The following SLC4A4 variants were observed in gnomAD, a reference collection of about 807,000 sequenced individuals.
SLC4A4 encodes electrogenic sodium bicarbonate cotransporter 1.
In SLC4A4, 27 loss-of-function variants were observed where a neutral mutation model predicts 111.5. That is an observed-to-expected ratio of 0.24 (90% CI 0.18 to 0.33). SLC4A4 has a LOEUF of 0.33. Ranked by LOEUF, SLC4A4 falls within the 10% of genes least tolerant of loss-of-function variation. SLC4A4 has a pLI of 1.00. For synonymous variants in SLC4A4, 443 were observed against 463.4 expected (o/e 0.96, Z 0.57); for missense variants, 909 against 1,315.5 (o/e 0.69, Z 4.78).
chr4:71,310,959 G>A (rs1053802762), intron 3 of SLC4A4, among the ~76,000 whole-genome samples: 6 of 152,214 alleles, frequency 3.9e-5, no homozygotes, highest in East Asian at 1.9e-4. Context: ...ACACACATAC[G>A]CTCAAAATAA....
chr4:71,444,921 G>A (rs144083461), intron 8 of SLC4A4, among the ~76,000 whole-genome samples: 65 of 152,274 alleles, frequency 4.3e-4, no homozygotes, highest in African/African-American at 1.5e-3. Context: ...CAGATTTACT[G>A]AATTATTCCT....
intron 1 of SLC4A4, among the ~76,000 whole-genome samples, chr4:71,190,038 T>C (rs1046229608): frequency 6.6e-6 from 1 of 152,194 alleles, no homozygotes; most frequent in African/African-American, 2.4e-5. Flanking sequence ...CTGTGACTTA[T>C]GAAATTTATG....
At chr4:71,498,787 C>A (rs865861545) in intron 16 of SLC4A4, among the ~76,000 whole-genome samples, 60 of 152,224 alleles carry the variant, frequency 3.9e-4, no homozygotes, top group African/African-American at 1.1e-3. Context: ...GCTGGTGATC[C>A]ACAGGCAGAA....
chr4:71,172,010 A>G (rs540627897), intron 2 of SLC4A4, among the ~76,000 whole-genome samples: 1 of 152,258 alleles, frequency 6.6e-6, no homozygotes, highest in South Asian at 2.1e-4. Flanking sequence ...CCTTATTAGA[A>G]TTTATTTTAA....
chr4:71,114,248 AAAAC>A (rs772876532), intron 2 of SLC4A4, among the ~76,000 whole-genome samples: 2 of 152,188 alleles, frequency 1.3e-5, no homozygotes, highest in South Asian at 2.1e-4. Flanking sequence ...TCGCTCTCAA[AAAAC>A]AAACAAACAA....
At chr4:71,413,942 A>T (rs1721616114) in intron 7 of SLC4A4, among the ~76,000 whole-genome samples, 1 of 152,154 alleles carries the variant, frequency 6.6e-6, no homozygotes, top group South Asian at 2.1e-4. Flanking sequence ...TGAGCCACAA[A>T]AATCTTTCAA....
intron 1 of SLC4A4, among the ~76,000 whole-genome samples, chr4:71,086,045 G>A (rs914052828): frequency 6.6e-6 from 1 of 151,952 alleles, no homozygotes; most frequent in African/African-American, 2.4e-5. Flanking sequence ...AGCATAGAAT[G>A]TTCTTCCATT....
chr4:71,245,395 C>CTG (rs1167780986), intron 2 of SLC4A4, among the ~76,000 whole-genome samples: 1 of 152,050 alleles, frequency 6.6e-6, no homozygotes, highest in African/African-American at 2.4e-5. Flanking sequence ...AGTGTGGGGG[C>CTG]TGTTGCCAAG....
At chr4:71,494,072 AATGATCAGCTCTTTCCTG>A (rs912935008) in intron 15 of SLC4A4, among the ~76,000 whole-genome samples, 1 of 151,952 alleles carries the variant, frequency 6.6e-6, no homozygotes, top group African/African-American at 2.4e-5. Context: ...TTACAACTGC[AATGATCAGCTCTTTCCTG>A]ATGACTCCTA....
chr4:71,567,053 T>C lies in SLC4A4; in HGVS notation c.*6T>C. 1.2e-6 allele frequency: 2 copies of C among 1,610,100 alleles called. No individual in the cohort carries two copies. Among genetic ancestry groups the C allele is most frequent in the Non-Finnish European group, 1.7e-6 (2 of 1,177,516 alleles). ...AACGCCACACATCATGCTGATAAAA[T>C]TCCTTTCCTTCAGTCACTCGGTATG... On this transcript the variant is annotated 3_prime_UTR_variant, in exon 25 of 26. Coordinates refer to ENST00000264485, the MANE Select transcript of SLC4A4 (RefSeq NM_001098484.3).
At chr4:71,132,725 C>A (rs1436004762) in intron 2 of SLC4A4, among the ~76,000 whole-genome samples, 1 of 152,224 alleles carries the variant, frequency 6.6e-6, no homozygotes, top group African/African-American at 2.4e-5. Context: ...TGCCCAACAG[C>A]TTTACCAGCT....
At chr4:71,148,763 G>T (rs144038651) in intron 2 of SLC4A4, among the ~76,000 whole-genome samples, 42 of 152,280 alleles carry the variant, frequency 2.8e-4, no homozygotes, top group African/African-American at 6.7e-4. Flanking sequence ...ATTCCACAGT[G>T]TATGTGTACC....
intron 18 of SLC4A4, among the ~76,000 whole-genome samples, chr4:71,543,400 T>C (rs142593947): frequency 6.6e-6 from 1 of 152,140 alleles, no homozygotes; most frequent in Admixed American, 6.6e-5. Flanking sequence ...GCTGAGGAGA[T>C]GGAAGACTTT....
chr4:71,257,711 A>G (rs1355144969), intron 3 of SLC4A4, among the ~76,000 whole-genome samples: 2 of 152,220 alleles, frequency 1.3e-5, no homozygotes, highest in Non-Finnish European at 2.9e-5. Context: ...GCTTATGTCC[A>G]TAGACATACC....
intron 18 of SLC4A4, among the ~76,000 whole-genome samples, chr4:71,537,358 A>ATGTACATATGTGTGTATATAT (rs1324941031): frequency 5.9e-4 from 87 of 148,234 alleles, no homozygotes; most frequent in Admixed American, 9.4e-4. Flanking sequence ...ATATGTGTAT[A>ATGTACATATGTGTGTATATAT]TATACATATG....
chr4:71,082,344 C>T (rs987800054), intron 1 of SLC4A4, among the ~76,000 whole-genome samples: 1 of 151,100 alleles, frequency 6.6e-6, no homozygotes, highest in Non-Finnish European at 1.5e-5. Context: ...CTGTCCCCCC[C>T]ACCACTATAG....
chr4:71,405,634 A>G (rs1262672352), intron 7 of SLC4A4, among the ~76,000 whole-genome samples: 1 of 152,168 alleles, frequency 6.6e-6, no homozygotes, highest in Non-Finnish European at 1.5e-5. Context: ...GAATTTAATT[A>G]CCTTCCCAAA....
intron 3 of SLC4A4, among the ~76,000 whole-genome samples, chr4:71,263,708 G>A (rs981473386): frequency 2.0e-5 from 3 of 152,066 alleles, no homozygotes; most frequent in African/African-American, 7.2e-5. Context: ...TTTTTTTTAT[G>A]CTGTAGTTCT....
At chr4:71,240,615 G>C (rs1328016907) in intron 2 of SLC4A4, among the ~76,000 whole-genome samples, 1 of 152,124 alleles carries the variant, frequency 6.6e-6, no homozygotes, top group African/African-American at 2.4e-5. Context: ...TTAGGAGGGA[G>C]TGTTGTTGAA....
Sources: allele counts gnomAD v4.1 joint callset (sites outside exome capture counted in the v4.1 genomes callset), GRCh38; gene constraint gnomAD v4.1.1; transcripts MANE v1.5; gene names NCBI Gene and HGNC (gene_info 2026-07-23, HGNC 2026-07-21).